The following TMED3 variants were observed in gnomAD, a reference collection of about 807,000 sequenced individuals.
The protein encoded by TMED3 is transmembrane emp24 domain-containing protein 3.
A neutral mutation model predicts 15.0 loss-of-function variants in TMED3; 9 were observed. The ratio of observed to expected loss-of-function variants is 0.60; its 90% CI spans 0.36 to 1.04. TMED3 has a LOEUF of 1.04. TMED3 is among the 50% of genes least tolerant of loss of function. The pLI is 0.01. For missense variants in TMED3, 267 were observed against 278.9 expected (o/e 0.96, Z 0.30); for synonymous variants, 117 against 121.4 (o/e 0.96, Z 0.24).
At chr15:79,401,326 G>A (rs1246043604) in intron 2 of TMED3, among the ~76,000 whole-genome samples, 1 of 152,130 alleles carries the variant, frequency 6.6e-6, no homozygotes, top group Non-Finnish European at 1.5e-5. Flanking sequence ...TTAATAATTT[G>A]TATTCTTATT....
intron 2 of TMED3, among the ~76,000 whole-genome samples, chr15:79,406,390 A>G (rs908921850): frequency 1.3e-5 from 2 of 152,182 alleles, no homozygotes; most frequent in Non-Finnish European, 2.9e-5. Context: ...TGTGGATACA[A>G]TGGACCCACT....
chr15:79,391,985 G>A (rs1893701912), intron 2 of TMED3, among the ~76,000 whole-genome samples: 1 of 152,124 alleles, frequency 6.6e-6, no homozygotes, highest in East Asian at 1.9e-4. Context: ...TTATGTGTTA[G>A]GTGTGTCTCT....
intron 2 of TMED3, among the ~76,000 whole-genome samples, chr15:79,400,540 G>T (rs1262041005): frequency 6.6e-6 from 1 of 152,118 alleles, no homozygotes; most frequent in Non-Finnish European, 1.5e-5. Context: ...GATACCTAGG[G>T]TCTAGAGTTG....
At chr15:79,382,011 A>G (rs1180926847) in intron 2 of TMED3, among the ~76,000 whole-genome samples, 1 of 152,238 alleles carries the variant, frequency 6.6e-6, no homozygotes. Flanking sequence ...AATCATGTGC[A>G]TTGTGTACAA....
intron 2 of TMED3, among the ~76,000 whole-genome samples, chr15:79,377,284 G>GCA (rs1893442711): frequency 6.6e-6 from 1 of 150,498 alleles, no homozygotes; most frequent in African/African-American, 2.5e-5. Context: ...GTGTGTGTGT[G>GCA]TGTGTGTGTG....
At chr15:79,390,216 G>A (rs1024118686) in intron 2 of TMED3, among the ~76,000 whole-genome samples, 7 of 152,110 alleles carry the variant, frequency 4.6e-5, no homozygotes, top group Admixed American at 3.9e-4. Context: ...TATTATGTTG[G>A]CTGTGGATTT....
rs529807957 is a variant in TMED3 at position 79,390,562 on chromosome 15, A to C, written c.418-20838A>C. Among the ~76,000 whole-genome samples, 3 of 151,996 alleles carry C rather than the reference A, an allele frequency of 2.0e-5. No homozygotes were observed. In the South Asian group the frequency reaches 6.2e-4, roughly 31 times the overall value. On this transcript the variant is annotated intron_variant, in intron 2 of 2. Coordinates refer to the TMED3 transcript ENST00000424155. ...AGTCTGTAGCTACCTTTTTTGGTTAAGTCCTTTCCTGGTTTGGCATTAGGG... is the reference window on the plus strand; with the variant it reads ...AGTCTGTAGCTACCTTTTTTGGTTACGTCCTTTCCTGGTTTGGCATTAGGG...
chr15:79,358,440 A>T (rs966201344), intron 2 of TMED3, among the ~76,000 whole-genome samples: 24 of 152,334 alleles, frequency 1.6e-4, no homozygotes, highest in African/African-American at 5.8e-4. Flanking sequence ...GAAGAAAATT[A>T]TGTTTGGCTG....
At chr15:79,343,959 A>G (rs1026509473) in intron 2 of TMED3, among the ~76,000 whole-genome samples, 6 of 152,300 alleles carry the variant, frequency 3.9e-5, no homozygotes, top group Non-Finnish European at 5.9e-5. Flanking sequence ...CAACAGCCAT[A>G]TGAGTCTGGA....
chr15:79,398,245 C>A (rs1466527982), intron 2 of TMED3, among the ~76,000 whole-genome samples: 1 of 152,022 alleles, frequency 6.6e-6, no homozygotes, highest in Non-Finnish European at 1.5e-5. Context: ...CAGTACGTAG[C>A]CTTTTCAGCT....
At chr15:79,336,250 C>A (rs139084795) in intron 2 of TMED3, among the ~76,000 whole-genome samples, 1 of 152,122 alleles carries the variant, frequency 6.6e-6, no homozygotes, top group Non-Finnish European at 1.5e-5. Context: ...GTAAATCTTC[C>A]CCTCTCTGAA....
At chr15:79,359,432 A>G (rs1317091523) in intron 2 of TMED3, among the ~76,000 whole-genome samples, 1 of 151,970 alleles carries the variant, frequency 6.6e-6, no homozygotes, top group African/African-American at 2.4e-5. Flanking sequence ...GGGTTTCACC[A>G]TTTTGACCAA....
At chr15:79,340,795 TG>T (rs1251355805) in intron 2 of TMED3, among the ~76,000 whole-genome samples, 7 of 152,372 alleles carry the variant, frequency 4.6e-5, no homozygotes, top group African/African-American at 1.7e-4. Flanking sequence ...CATTCCTTCA[TG>T]TATCCATTCA....
chr15:79,344,598 A>G (rs2058862451), intron 2 of TMED3, among the ~76,000 whole-genome samples: 1 of 152,146 alleles, frequency 6.6e-6, no homozygotes, highest in South Asian at 2.1e-4. Context: ...ATGCAGGATG[A>G]CATTATTTTG....
At chr15:79,398,581 T>TC (rs35148003) in intron 2 of TMED3, among the ~76,000 whole-genome samples, 73,869 of 151,910 alleles carry the variant, frequency 0.49, 18,278 homozygotes, top group East Asian at 0.69. Flanking sequence ...AAGATCGATG[T>TC]CCCAGCTTGA....
intron 2 of TMED3, among the ~76,000 whole-genome samples, chr15:79,408,438 G>A (rs547856122): frequency 6.6e-6 from 1 of 152,310 alleles, no homozygotes; most frequent in African/African-American, 2.4e-5. Flanking sequence ...CGAGGTGGTC[G>A]GAGCCATAGG....
chr15:79,398,386 C>T (rs144513193), intron 2 of TMED3, among the ~76,000 whole-genome samples: 8 of 152,100 alleles, frequency 5.3e-5, no homozygotes, highest in Non-Finnish European at 1.2e-4. Flanking sequence ...TAGCCTTGAA[C>T]TCCTGGACTC....
chr15:79,371,375 G>T (rs2141245326), intron 2 of TMED3, among the ~76,000 whole-genome samples: 1 of 152,266 alleles, frequency 6.6e-6, no homozygotes, highest in East Asian at 1.9e-4. Context: ...TGATAGAACT[G>T]CAGCTTCCTG....
chr15:79,357,426 A>T (rs1285564932), intron 2 of TMED3, among the ~76,000 whole-genome samples: 1 of 137,066 alleles, frequency 7.3e-6, no homozygotes, highest in Non-Finnish European at 1.5e-5. Context: ...TTGAGGCTGC[A>T]GTGAACTGTG....
Sources: gnomAD v4.1 joint callset for allele counts (sites outside exome capture counted in the v4.1 genomes callset) on GRCh38, gnomAD v4.1.1 for gene constraint, MANE v1.5 for transcripts, NCBI Gene and HGNC (gene_info 2026-07-23, HGNC 2026-07-21) for gene names.